The following TENM4 variants were observed in gnomAD, a reference collection of about 807,000 sequenced individuals.
TENM4 encodes teneurin transmembrane protein 4.
Under a neutral mutation model 243.3 loss-of-function variants are expected in TENM4, and 82 were observed. The ratio of observed to expected loss-of-function variants is 0.34; its 90% CI spans 0.28 to 0.40. The LOEUF (loss-of-function observed/expected upper bound fraction) is 0.40. TENM4 is among the 10% of genes least tolerant of loss of function. The pLI is 1.00. For missense variants in TENM4, 3,138 were observed against 3,673.3 expected (o/e 0.85, Z 3.77); for synonymous variants, 1,412 against 1,456.3 (o/e 0.97, Z 0.69).
intron 3 of TENM4, among the ~76,000 whole-genome samples, chr11:79,155,618 CTCCCTCCCTCCCTTCCATCCTTCCT>C (rs1350492424): frequency 2.2e-5 from 3 of 137,448 alleles, no homozygotes; most frequent in South Asian, 2.8e-4. Context: ...CTTTCCCTCC[CTCCCTCCCTCCCTTCCATCCTTCCT>C]TCCCTCCCTC....
intron 1 of TENM4, among the ~76,000 whole-genome samples, chr11:79,327,964 C>T (rs906820002): frequency 1.3e-5 from 2 of 152,182 alleles, no homozygotes; most frequent in Admixed American, 6.5e-5. Flanking sequence ...AGCCCCACAA[C>T]CTGATCAAGT....
intron 6 of TENM4, among the ~76,000 whole-genome samples, chr11:79,048,378 C>T (rs967972355): frequency 6.6e-6 from 1 of 152,202 alleles, no homozygotes; most frequent in African/African-American, 2.4e-5. Flanking sequence ...CACCATTCTT[C>T]CTGCCTTCTA....
intron 12 of TENM4, among the ~76,000 whole-genome samples, chr11:78,845,742 C>T (rs567233216): frequency 3.3e-5 from 5 of 150,906 alleles, no homozygotes; most frequent in South Asian, 4.2e-4. Context: ...AGCTGGCAAA[C>T]GGGAATGAGC....
intron 19 of TENM4, 63 bp downstream of exon 19, chr11:78,756,742 G>C: frequency 6.7e-7 from 1 of 1,481,796 alleles, no homozygotes; most frequent in Admixed American, 1.9e-5. Context: ...TCCAAAAGAG[G>C]CTCTAGAGTG....
chr11:79,391,193 T>C (rs1858225435), intron 1 of TENM4, among the ~76,000 whole-genome samples: 3 of 152,316 alleles, frequency 2.0e-5, no homozygotes, highest in South Asian at 2.1e-4. Context: ...TTTGGAACAA[T>C]GCCTGGCAAT....
intron 6 of TENM4, among the ~76,000 whole-genome samples, chr11:79,039,422 G>T (rs80101843): frequency 3.3e-5 from 5 of 152,182 alleles, no homozygotes; most frequent in Non-Finnish European, 4.4e-5. Context: ...GCTGTGAGAC[G>T]CAGAAAGAAG....
At chr11:79,356,245 G>A (rs1857494933) in intron 1 of TENM4, among the ~76,000 whole-genome samples, 1 of 152,156 alleles carries the variant, frequency 6.6e-6, no homozygotes. Context: ...TGGTCAAGAG[G>A]GGAGCCCTGG....
intron 6 of TENM4, among the ~76,000 whole-genome samples, chr11:79,011,836 G>T (rs1465888978): frequency 6.6e-6 from 1 of 152,216 alleles, no homozygotes; most frequent in Non-Finnish European, 1.5e-5. Flanking sequence ...AGGGGAGCCT[G>T]CCCATCTCTT....
At chr11:79,259,230 A>G (rs17137953) in intron 2 of TENM4, among the ~76,000 whole-genome samples, 22,921 of 152,178 alleles carry the variant, frequency 0.15, 1,923 homozygotes, top group African/African-American at 0.23. Context: ...AATAAGATAC[A>G]GAATGTAAAG....
chr11:78,904,377 T>TAAAAAAAAAAAAAAAAAAAAAAAAAAAAA (rs1333665292), intron 6 of TENM4, among the ~76,000 whole-genome samples: 1 of 100,184 alleles, frequency 1.0e-5, no homozygotes, highest in African/African-American at 5.1e-5. Flanking sequence ...AAAAAAAAAG[T>TAAAAAAAAAAAAAAAAAAAAAAAAAAAAA]AAAACATAGA....
intron 6 of TENM4, among the ~76,000 whole-genome samples, chr11:78,915,020 A>G (rs907695238): frequency 4.6e-5 from 7 of 152,160 alleles, no homozygotes; most frequent in African/African-American, 1.4e-4. Context: ...CCCACTGCCT[A>G]CAGTACGAGA....
rs879746884 is a variant in TENM4 at position 78,657,892 on chromosome 11, G to A, written c.*166C>T. On this transcript the variant is annotated 3_prime_UTR_variant, in exon 34 of 34. Transcript: ENST00000278550. The stretch of plus-strand genomic sequence containing the variant: ...CAAAAAATGTGCGAAGGCCAAATCT[G>A]TGTTTTTCTTTTCTAAAAAAAAGGA... The A allele has an allele frequency of 4.1e-5, 46 of 1,131,626 alleles. No homozygotes were observed. Among genetic ancestry groups the A allele is most frequent in the Non-Finnish European group, 5.6e-5 (43 of 764,638 alleles). 70.1% of individuals were successfully genotyped at this position (1,131,626 alleles called of 1,614,324 possible). A position where few individuals can be genotyped will look rare whatever the true frequency, so the allele number is the denominator to read the frequency against.
chr11:78,946,506 T>C (rs556850587), intron 6 of TENM4, among the ~76,000 whole-genome samples: 4 of 152,384 alleles, frequency 2.6e-5, no homozygotes, highest in Middle Eastern at 3.4e-3. Context: ...TCATGCCTGC[T>C]CATGTAACAC....
intron 1 of TENM4, among the ~76,000 whole-genome samples, chr11:79,335,427 T>C (rs1244031926): frequency 6.6e-6 from 1 of 152,224 alleles, no homozygotes; most frequent in Non-Finnish European, 1.5e-5. Flanking sequence ...TTGATTAGCA[T>C]TGCGGAGAAG....
intron 15 of TENM4, among the ~76,000 whole-genome samples, chr11:78,795,230 A>C (rs1714651809): frequency 6.6e-6 from 1 of 152,196 alleles, no homozygotes; most frequent in Non-Finnish European, 1.5e-5. Flanking sequence ...TCTCAGGGTT[A>C]TTAGTCTACC....
chr11:78,865,848 G>A (rs777549763), intron 9 of TENM4, among the ~76,000 whole-genome samples: 1 of 152,226 alleles, frequency 6.6e-6, no homozygotes, highest in African/African-American at 2.4e-5. Flanking sequence ...CCACTGCCTA[G>A]CTGCATTCTT....
chr11:79,398,107 A>C (rs1212796335), intron 1 of TENM4, among the ~76,000 whole-genome samples: 2 of 152,226 alleles, frequency 1.3e-5, no homozygotes, highest in Non-Finnish European at 2.9e-5. Context: ...TAAGGAATCC[A>C]GTGCAGACAG....
intron 20 of TENM4, among the ~76,000 whole-genome samples, chr11:78,733,867 TG>T (rs1855727458): frequency 6.6e-6 from 1 of 152,188 alleles, no homozygotes; most frequent in African/African-American, 2.4e-5. Context: ...ATAGCATGGC[TG>T]CTACTTAAAG....
At chr11:79,041,545 T>C (rs1301760311) in intron 6 of TENM4, among the ~76,000 whole-genome samples, 1 of 150,918 alleles carries the variant, frequency 6.6e-6, no homozygotes, top group Non-Finnish European at 1.5e-5. Flanking sequence ...CTGGAGAAGA[T>C]TCTTTTTAAA....
Sources: gnomAD v4.1 joint callset for allele counts (sites outside exome capture counted in the v4.1 genomes callset) on GRCh38, gnomAD v4.1.1 for gene constraint, MANE v1.5 for transcripts, NCBI Gene and HGNC (gene_info 2026-07-23, HGNC 2026-07-21) for gene names.